The following KLF12 variants were observed in gnomAD, a reference collection of about 807,000 sequenced individuals.
KLF12 encodes Krueppel-like factor 12.
A neutral mutation model predicts 37.8 loss-of-function variants in KLF12; 9 were observed. The ratio of observed to expected loss-of-function variants is 0.24; its 90% CI spans 0.14 to 0.42. KLF12 has a LOEUF of 0.42. Ranked by LOEUF, KLF12 falls within the 10% of genes least tolerant of loss-of-function variation. The pLI is 1.00. For synonymous variants in KLF12, 208 were observed against 202.1 expected, an observed-to-expected ratio of 1.03 and a Z score of -0.25; for missense variants, 411 against 516.0, an observed-to-expected ratio of 0.80 and a Z score of 1.97.
intron 2 of KLF12, among the ~76,000 whole-genome samples, chr13:73,971,732 A>G (rs1051373249): frequency 6.6e-6 from 1 of 152,212 alleles, no homozygotes; most frequent in African/African-American, 2.4e-5. Flanking sequence ...TGAACTATGA[A>G]TAAACAGAGC....
chr13:73,767,601 T>C (rs927137216), intron 5 of KLF12, among the ~76,000 whole-genome samples: 22 of 152,302 alleles, frequency 1.4e-4, no homozygotes, highest in Middle Eastern at 6.8e-3. Context: ...TTACATTACA[T>C]AGAAAACAGG....
intron 3 of KLF12, among the ~76,000 whole-genome samples, chr13:73,898,403 C>A (rs1887888109): frequency 6.6e-6 from 1 of 152,094 alleles, no homozygotes; most frequent in Non-Finnish European, 1.5e-5. Flanking sequence ...TAAATTTGCC[C>A]ACTAATCCAA....
chr13:73,722,827 T>C (rs901885919), intron 6 of KLF12, among the ~76,000 whole-genome samples: 9 of 152,368 alleles, frequency 5.9e-5, no homozygotes, highest in African/African-American at 1.9e-4. Context: ...ATTTAATTAT[T>C]GTTTTACTTT....
chr13:74,187,054 G>C, the KLF12 span, among the ~76,000 whole-genome samples: 18 of 152,220 alleles, frequency 1.2e-4, no homozygotes, highest in Admixed American at 9.2e-4. Context: ...CTCCCTTTGT[G>C]TAAAAATGCT....
the KLF12 span, among the ~76,000 whole-genome samples, chr13:74,245,851 G>A: frequency 0.054 from 8,242 of 152,190 alleles, 270 homozygotes; most frequent in African/African-American, 0.083. Flanking sequence ...CAAAGTTAAC[G>A]TGGAAGACTA....
At chr13:74,051,878 T>C (rs1160868113) in intron 1 of KLF12, among the ~76,000 whole-genome samples, 2 of 152,192 alleles carry the variant, frequency 1.3e-5, no homozygotes, top group Non-Finnish European at 2.9e-5. Context: ...GCTAGAGGAA[T>C]GCATTTTGAA....
chr13:74,077,261 C>T (rs896585808), intron 1 of KLF12, among the ~76,000 whole-genome samples: 29 of 152,180 alleles, frequency 1.9e-4, no homozygotes, highest in African/African-American at 6.5e-4. Context: ...TACACTCCCA[C>T]CAACAAGGGG....
At chr13:74,193,165 G>T in the KLF12 span, among the ~76,000 whole-genome samples, 1 of 151,912 alleles carries the variant, frequency 6.6e-6, no homozygotes, top group South Asian at 2.1e-4. Context: ...TTTTAGTAGA[G>T]ACAGGGTTTT....
At chr13:74,127,461 T>C (rs1878005326) in intron 1 of KLF12, among the ~76,000 whole-genome samples, 1 of 152,198 alleles carries the variant, frequency 6.6e-6, no homozygotes, top group Non-Finnish European at 1.5e-5. Context: ...ACACAGTGTA[T>C]TCTTAAAGCA....
intron 6 of KLF12, among the ~76,000 whole-genome samples, chr13:73,745,311 A>T (rs571296134): frequency 6.6e-6 from 1 of 152,150 alleles, no homozygotes; most frequent in Non-Finnish European, 1.5e-5. Flanking sequence ...AACTAAAATC[A>T]TGACGTTGTG....
intron 6 of KLF12, among the ~76,000 whole-genome samples, chr13:73,756,365 A>G (rs1879168614): frequency 6.6e-6 from 1 of 152,130 alleles, no homozygotes. Flanking sequence ...GATGCCAAGT[A>G]GGGTTTTAGA....
chr13:73,735,946 T>C (rs1877423214), intron 6 of KLF12, among the ~76,000 whole-genome samples: 1 of 128,840 alleles, frequency 7.8e-6, no homozygotes, highest in Non-Finnish European at 1.6e-5. Flanking sequence ...TGATTTTCTT[T>C]CTTTCTTTTT....
chr13:74,053,191 G>C (rs1873027508), intron 1 of KLF12, among the ~76,000 whole-genome samples: 2 of 152,104 alleles, frequency 1.3e-5, no homozygotes, highest in Admixed American at 1.3e-4. Context: ...CTGCACATAA[G>C]CAATTCTACT....
At chr13:73,755,001 C>T (rs948227946) in intron 6 of KLF12, among the ~76,000 whole-genome samples, 1 of 152,156 alleles carries the variant, frequency 6.6e-6, no homozygotes, top group Non-Finnish European at 1.5e-5. Flanking sequence ...AAATAAATGC[C>T]TTATGGACTG....
At chr13:73,802,340 A>G (rs1328225619) in intron 5 of KLF12, 5 of 152,320 alleles carry the variant, frequency 3.3e-5, no homozygotes, top group African/African-American at 9.6e-5. Flanking sequence ...GTCATATATT[A>G]AAACTTTCCA....
In KLF12 at chr13:73,717,711, T is replaced by C. The variant is rs562835573; in HGVS notation, c.870-2186A>G. On this transcript the variant is annotated intron_variant, in intron 6 of 7. Transcript: ENST00000377669. ...TTTTCAGCTTTCTTATCAATGTGGA[T>C]CTGTGGTTTTCCACATAATTGACTC... is the stretch of plus-strand genomic sequence containing the variant. Among the ~76,000 whole-genome samples the C allele has an allele frequency of 2.0e-5, 3 of 152,342 alleles. No individual in the cohort carries two copies. In the South Asian group the frequency reaches 6.2e-4, roughly 32 times the overall value.
intron 5 of KLF12, among the ~76,000 whole-genome samples, chr13:73,799,540 T>G (rs1282272455): frequency 2.6e-5 from 4 of 152,150 alleles, no homozygotes; most frequent in Non-Finnish European, 5.9e-5. Context: ...TACTGGCTAC[T>G]CTCTCATTAT....
chr13:74,031,505 ATAACT>A (rs1365996082), intron 1 of KLF12, among the ~76,000 whole-genome samples: 1 of 152,132 alleles, frequency 6.6e-6, no homozygotes, highest in Admixed American at 6.6e-5. Context: ...GTTACTGGTA[ATAACT>A]TAACTCTTTG....
intron 5 of KLF12, among the ~76,000 whole-genome samples, chr13:73,791,195 T>G (rs762260686): frequency 6.6e-6 from 1 of 152,362 alleles, no homozygotes; most frequent in African/African-American, 2.4e-5. Context: ...ATAATTTGTA[T>G]AGGCAGAGTA....
Sources: allele counts gnomAD v4.1 joint callset (sites outside exome capture counted in the v4.1 genomes callset), GRCh38; gene constraint gnomAD v4.1.1; transcripts MANE v1.5; gene names NCBI Gene and HGNC (gene_info 2026-07-23, HGNC 2026-07-21).